Variants in ZNF254 observed in about 807,000 individuals in gnomAD.
The protein encoded by ZNF254 is zinc finger protein 254, also known as CTD-2017D11.1.
Under a neutral mutation model 12.4 loss-of-function variants are expected in ZNF254, and 10 were observed. That is an observed-to-expected ratio of 0.80 (90% CI 0.50 to 1.36). The LOEUF is 1.36. ZNF254 is among the 40% of genes most tolerant of loss of function. The pLI, the probability that ZNF254 is intolerant of heterozygous loss-of-function variation, is 0.00. For missense variants in ZNF254, 996 were observed against 763.9 expected (o/e 1.30, Z -3.58); for synonymous variants, 305 against 253.4 (o/e 1.20, Z -1.93).
chr19:24,100,270 C>T (rs1356706823), intron 1 of ZNF254, among the ~76,000 whole-genome samples: 1 of 130,816 alleles, frequency 7.6e-6, no homozygotes, highest in African/African-American at 3.7e-5. Context: ...TGAGAATCTC[C>T]ACTTCTTTTC....
At chr19:24,114,556 AC>A (rs1212987318) in intron 3 of ZNF254, among the ~76,000 whole-genome samples, 1 of 120,152 alleles carries the variant, frequency 8.3e-6, no homozygotes, top group Non-Finnish European at 1.7e-5. Flanking sequence ...TAAACGTTAG[AC>A]CTAAAACCAT....
At chr19:24,118,468 T>C (rs572240066) in intron 3 of ZNF254, among the ~76,000 whole-genome samples, 29 of 152,278 alleles carry the variant, frequency 1.9e-4, no homozygotes, top group African/African-American at 6.5e-4. Flanking sequence ...TCTCTATAAA[T>C]TAGAAATTTT....
At chr19:24,043,949 C>T (rs1018107854) in intron 1 of ZNF254, among the ~76,000 whole-genome samples, 8 of 152,102 alleles carry the variant, frequency 5.3e-5, no homozygotes, top group African/African-American at 1.2e-4. Context: ...AGGGGTAAAA[C>T]GCAAAGCTCA....
At chr19:24,088,100 G>GT (rs1568447729) in intron 1 of ZNF254, among the ~76,000 whole-genome samples, 1 of 151,828 alleles carries the variant, frequency 6.6e-6, no homozygotes, top group African/African-American at 2.4e-5. Context: ...TAGAGACGGG[G>GT]TTTTACCATG....
At chr19:24,074,142 A>T (rs1173876445) in intron 2 of ZNF254, among the ~76,000 whole-genome samples, 2 of 152,232 alleles carry the variant, frequency 1.3e-5, no homozygotes, top group South Asian at 4.1e-4. Flanking sequence ...TGCAGCATCC[A>T]GGTGATGTAA....
At chr19:24,074,878 G>T (rs1393224687) in intron 2 of ZNF254, among the ~76,000 whole-genome samples, 5 of 152,176 alleles carry the variant, frequency 3.3e-5, no homozygotes, top group African/African-American at 9.7e-5. Context: ...TCACTTAGAT[G>T]ATGTGAATTT....
At chr19:24,035,777 T>C (rs1303575710) in intron 1 of ZNF254, among the ~76,000 whole-genome samples, 1 of 152,196 alleles carries the variant, frequency 6.6e-6, no homozygotes, top group Non-Finnish European at 1.5e-5. Context: ...TATTTTGTTC[T>C]AACTACTGAA....
intron 2 of ZNF254, among the ~76,000 whole-genome samples, chr19:24,056,353 T>A (rs978387810): frequency 1.3e-5 from 2 of 152,154 alleles, no homozygotes; most frequent in Admixed American, 6.5e-5. Context: ...GTGTTATGAC[T>A]CTCTTCTCCT....
intron 2 of ZNF254, among the ~76,000 whole-genome samples, chr19:24,075,850 A>G (rs1005382408): frequency 9.9e-5 from 15 of 152,128 alleles, no homozygotes; most frequent in African/African-American, 3.4e-4. Context: ...CAGAGTGGTT[A>G]TTTTAGAGGC....
At chr19:24,070,793 A>C (rs1287662443) in intron 2 of ZNF254, among the ~76,000 whole-genome samples, 1 of 152,150 alleles carries the variant, frequency 6.6e-6, no homozygotes, top group Non-Finnish European at 1.5e-5. Flanking sequence ...CAGTATTTAG[A>C]TGATGTGACC....
intron 2 of ZNF254, among the ~76,000 whole-genome samples, chr19:24,050,117 G>T (rs1970589575): frequency 6.6e-6 from 1 of 151,564 alleles, no homozygotes; most frequent in African/African-American, 2.4e-5. Flanking sequence ...CATATCTGGG[G>T]CCCTTTGACT....
chr19:24,065,666 C>T (rs568958341), intron 2 of ZNF254: 5 of 151,782 alleles, frequency 3.3e-5, no homozygotes, highest in East Asian at 3.9e-4. Context: ...TGTGATTTAT[C>T]GCTGAATCCA....
chr19:24,119,688 G>C (rs996181162), intron 3 of ZNF254, among the ~76,000 whole-genome samples: 1 of 151,950 alleles, frequency 6.6e-6, no homozygotes. Flanking sequence ...ACAAGGTTTT[G>C]CCGCATTGCT....
chr19:24,037,697 C>G (rs1055524303), intron 1 of ZNF254, among the ~76,000 whole-genome samples: 1 of 151,588 alleles, frequency 6.6e-6, no homozygotes, highest in African/African-American at 2.4e-5. Context: ...GCAACCTCCA[C>G]CTCCCAGGTT....
chr19:24,090,612 GT>G (rs1455442252), intron 1 of ZNF254, among the ~76,000 whole-genome samples: 1 of 151,826 alleles, frequency 6.6e-6, no homozygotes, highest in Non-Finnish European at 1.5e-5. Context: ...AGTTTCTGTA[GT>G]TTTAGTAGAG....
chr19:24,039,406 T>G (rs1315144411), intron 1 of ZNF254, among the ~76,000 whole-genome samples: 1 of 146,800 alleles, frequency 6.8e-6, no homozygotes, highest in Non-Finnish European at 1.5e-5. Context: ...CTGGAGAAAG[T>G]TTTTTTGTTG....
intron 1 of ZNF254, among the ~76,000 whole-genome samples, chr19:24,035,870 T>A (rs1346439021): frequency 6.6e-6 from 1 of 152,054 alleles, no homozygotes; most frequent in Non-Finnish European, 1.5e-5. Flanking sequence ...ATAGGAAGGG[T>A]GTTTCTTTGC....
chr19:24,111,289 T>C (rs1973664891), intron 3 of ZNF254, among the ~76,000 whole-genome samples: 1 of 152,202 alleles, frequency 6.6e-6, no homozygotes. Flanking sequence ...AACTCATCAT[T>C]ATTGATGGCT....
At chr19:24,042,218 A>G (rs1009905787) in intron 1 of ZNF254, among the ~76,000 whole-genome samples, 3 of 152,100 alleles carry the variant, frequency 2.0e-5, no homozygotes, top group Non-Finnish European at 2.9e-5. Context: ...TTGAAACTCT[A>G]TATCTAACTA....
Sources: allele counts gnomAD v4.1 joint callset (sites outside exome capture counted in the v4.1 genomes callset), GRCh38; gene constraint gnomAD v4.1.1; transcripts MANE v1.5; gene names NCBI Gene and HGNC (gene_info 2026-07-23, HGNC 2026-07-21).